The following CAPN14 variants were observed in gnomAD, a reference collection of about 807,000 sequenced individuals.
CAPN14 encodes calpain-14.
CAPN14 carries 94 observed loss-of-function variants against 101.3 expected under a neutral mutation model. That is an observed-to-expected ratio of 0.93 (90% CI 0.79 to 1.10). CAPN14 has a LOEUF of 1.10. Ranked by LOEUF, CAPN14 falls within the 50% of genes least tolerant of loss-of-function variation. The pLI is 0.00. For synonymous variants in CAPN14, 338 were observed against 317.9 expected (o/e 1.06, Z -0.67); for missense variants, 837 against 828.4 (o/e 1.01, Z -0.13).
At position 31,178,640 on chromosome 2, in the gene CAPN14, T is replaced by C. The variant is rs1572386701; in HGVS notation, c.1711-61A>G. On this transcript the variant is annotated intron_variant, in intron 17 of 21. Transcript: ENST00000403897. Reference sequence around the variant, plus strand: ...AGTTCTATCCATGCTTTGGAGGCAGTGATCAGCCCTCCACAAAGTGATGTG... The same window carrying C: ...AGTTCTATCCATGCTTTGGAGGCAGCGATCAGCCCTCCACAAAGTGATGTG... The C allele has an allele frequency of 8.2e-6, 9 of 1,101,608 alleles. No homozygotes were observed. In the East Asian group the frequency reaches 2.2e-4, roughly 27 times the overall value. The allele number at this position is 1,101,608 out of a possible 1,614,324, so 68.2% of individuals were successfully genotyped here.
chr2:31,191,922 G>A lies in CAPN14; in HGVS notation c.1278+13C>T. 1 of 1,537,566 alleles carries A rather than the reference G, an allele frequency of 6.5e-7. No homozygotes were observed. The highest frequency in any genetic ancestry group is 8.8e-7 in the Non-Finnish European group (1 of 1,138,962). On this transcript the variant is annotated intron_variant, in intron 11 of 21. Transcript: ENST00000403897. The stretch of plus-strand genomic sequence containing the variant: ...CTTGGTCCCATGCCCCTGTGGTTCA[G>A]AGGTCCACCTACCCTATACAGGTAG...
intron 1 of CAPN14, among the ~76,000 whole-genome samples, chr2:31,228,008 G>A (rs1418302348): frequency 6.6e-6 from 1 of 152,236 alleles, no homozygotes; most frequent in Non-Finnish European, 1.5e-5. Context: ...GCAGAGGGTG[G>A]GGAAGGGAAG....
At chr2:31,205,809 G>A (rs1682044322) in intron 1 of CAPN14, among the ~76,000 whole-genome samples, 2 of 151,920 alleles carry the variant, frequency 1.3e-5, no homozygotes, top group Non-Finnish European at 2.9e-5. Flanking sequence ...TCTGCTTAGT[G>A]GGGAGGCAGG....
At chr2:31,197,509 G>A (rs1370295493) in intron 7 of CAPN14, among the ~76,000 whole-genome samples, 175 bp from the exon 8 acceptor site, 1 of 152,158 alleles carries the variant, frequency 6.6e-6, no homozygotes, top group African/African-American at 2.4e-5. Context: ...GAGACCTAGG[G>A]CAAATCAGCT....
In CAPN14 at chr2:31,217,168, C is replaced by T. The variant is rs530347445; in HGVS notation, c.-53+288G>A. Among the ~76,000 whole-genome samples, 16 of 152,182 alleles carry T rather than the reference C, an allele frequency of 1.1e-4. No individual in the cohort carries two copies. The South Asian group carries it at 3.3e-3, about 32-fold the overall frequency. On this transcript the variant is annotated intron_variant, in intron 1 of 21. Transcript: ENST00000403897. Reference sequence around the variant, plus strand: ...CGAGAGAAACCAGAGCTGGAGGGACCTCAGAAATTACCCAGGCCCAAAGAT... The same window carrying T: ...CGAGAGAAACCAGAGCTGGAGGGACTTCAGAAATTACCCAGGCCCAAAGAT...
chr2:31,197,958 C>A (rs1387208539), intron 7 of CAPN14, among the ~76,000 whole-genome samples: 1 of 152,022 alleles, frequency 6.6e-6, no homozygotes, highest in Non-Finnish European at 1.5e-5. Flanking sequence ...AAATTAATTT[C>A]TGTTGTTTTC....
intron 17 of CAPN14, among the ~76,000 whole-genome samples, chr2:31,179,734 T>C (rs1403131065): frequency 6.6e-6 from 1 of 152,220 alleles, no homozygotes; most frequent in Non-Finnish European, 1.5e-5. Context: ...TATTGTTTCC[T>C]TACTTTTTAA....
At chr2:31,181,604 G>A (rs1680634927) in intron 16 of CAPN14, among the ~76,000 whole-genome samples, 1 of 147,772 alleles carries the variant, frequency 6.8e-6, no homozygotes, top group African/African-American at 2.5e-5. Flanking sequence ...CATGTGCCAT[G>A]CTGGTGTGCT....
At chr2:31,193,536 C>T (rs993088687) in intron 9 of CAPN14, among the ~76,000 whole-genome samples, 2 of 152,138 alleles carry the variant, frequency 1.3e-5, no homozygotes, top group African/African-American at 2.4e-5. Flanking sequence ...TGGAAGCAGC[C>T]GGCCACATGG....
intron 15 of CAPN14, among the ~76,000 whole-genome samples, chr2:31,187,201 A>G (rs13387367): frequency 0.33 from 50,713 of 151,974 alleles, 10,035 homozygotes; most frequent in African/African-American, 0.55. Flanking sequence ...TTAGGAGAGC[A>G]TGGCCTCCAG....
At chr2:31,210,689 A>C (rs534912419) in intron 1 of CAPN14, among the ~76,000 whole-genome samples, 2 of 152,316 alleles carry the variant, frequency 1.3e-5, no homozygotes, top group South Asian at 4.1e-4. Flanking sequence ...CATAGTTAAC[A>C]TTTTAATGTA....
chr2:31,200,984 G>A (rs1019804077), intron 5 of CAPN14, among the ~76,000 whole-genome samples: 6 of 152,214 alleles, frequency 3.9e-5, no homozygotes, highest in Non-Finnish European at 5.9e-5. Flanking sequence ...AGCTGCTTGC[G>A]GGAAACCTGT....
At chr2:31,180,063 C>A (rs779663847) in intron 17 of CAPN14, among the ~76,000 whole-genome samples, 1 of 152,090 alleles carries the variant, frequency 6.6e-6, no homozygotes, top group Non-Finnish European at 1.5e-5. Context: ...TGCCCAGATA[C>A]CCCTACCATC....
intron 11 of CAPN14, 23 bp from the exon 12 acceptor site, chr2:31,191,430 G>GAAAAAAAAAAAAA: frequency 7.8e-7 from 1 of 1,277,972 alleles, no homozygotes; most frequent in Non-Finnish European, 1.0e-6. Flanking sequence ...AACAAAAACA[G>GAAAAAAAAAAAAA]AAAAAAAAAA....
In CAPN14 at chr2:31,174,478, C is replaced by A. The variant is rs890202932; in HGVS notation, c.*203G>T. 13 of 613,624 alleles carry A rather than the reference C, an allele frequency of 2.1e-5. 1 individual carries two copies. In the Admixed American group the frequency reaches 3.7e-4, roughly 18 times the overall value. 38.0% of individuals were successfully genotyped at this position (613,624 alleles called of 1,614,324 possible). A position where few individuals can be genotyped will look rare whatever the true frequency, so the allele number is the denominator to read the frequency against. On this transcript the variant is annotated 3_prime_UTR_variant, in exon 22 of 22. Coordinates refer to ENST00000403897, the MANE Select transcript of CAPN14 (RefSeq NM_001145122.2). The stretch of plus-strand genomic sequence containing the variant: ...CTAGCTTTTACAAATCTGATGTAAT[C>A]TTTACTTCCTCCCTTCCCTTTCTGC...
rs750952757 is a variant in CAPN14 at position 31,228,712 on chromosome 2, T to C, written c.-176-2061A>G. Among the ~76,000 whole-genome samples the C allele has an allele frequency of 3.9e-4, 60 of 152,350 alleles. 1 individual carries two copies. Among genetic ancestry groups the C allele is most frequent in the South Asian group, 2.1e-3 (10 of 4,826 alleles). On this transcript the variant is annotated intron_variant and NMD_transcript_variant, in intron 1 of 21. Coordinates refer to the CAPN14 transcript ENST00000398824. ...TAATCATTATAATATTAAGAACTAA[T>C]ACATACTGAACACTTTCAATGGCAC... is the stretch of plus-strand genomic sequence containing the variant.
At position 31,210,227 on chromosome 2, in the gene CAPN14, A is replaced by C. The variant is rs370590885; in HGVS notation, c.-52-4728T>G. Among the ~76,000 whole-genome samples, 12 of 152,236 alleles carry C rather than the reference A, an allele frequency of 7.9e-5. No homozygotes were observed. In the East Asian group the frequency reaches 1.7e-3, roughly 22 times the overall value. On this transcript the variant is annotated intron_variant, in intron 1 of 21. Transcript: ENST00000403897. ...GGGAGGCTGAGGAGGGCGGATCACGAGGTCAAGAGATCAAGACCATCCTGG... is the reference window on the plus strand; with the variant it reads ...GGGAGGCTGAGGAGGGCGGATCACGCGGTCAAGAGATCAAGACCATCCTGG...
chr2:31,200,717 C>T (rs1470710810), intron 5 of CAPN14, 92 bp from the exon 6 acceptor site: 15 of 1,226,402 alleles, frequency 1.2e-5, no homozygotes, highest in Non-Finnish European at 1.1e-5. Context: ...AAATAGGAGT[C>T]TAGTTTTCTC....
At chr2:31,187,120 G>A (rs1680934136) in intron 15 of CAPN14, among the ~76,000 whole-genome samples, 1 of 152,132 alleles carries the variant, frequency 6.6e-6, no homozygotes, top group South Asian at 2.1e-4. Flanking sequence ...CTCTGTTTTA[G>A]TGACATTGCT....
Sources: allele counts gnomAD v4.1 joint callset (sites outside exome capture counted in the v4.1 genomes callset), GRCh38; gene constraint gnomAD v4.1.1; transcripts MANE v1.5; gene names NCBI Gene and HGNC (gene_info 2026-07-23, HGNC 2026-07-21).